Variants in LINC00632 observed in about 807,000 individuals in gnomAD.
LINC00632 encodes the protein long independently transcribed non-coding RNA 632, also known as ALDOA related specific transcript.
chrX:140,744,191 C>G (rs1402178853), intron 3 of LINC00632, among the ~76,000 whole-genome samples: 1 of 110,783 alleles, frequency 9.0e-6, no homozygotes, highest in Non-Finnish European at 1.9e-5. Flanking sequence ...AACTTCTGAT[C>G]TGTTACTGGT....
At chrX:140,773,206 A>AAGAAG (rs200954862) in exon 4 of LINC00632, among the ~76,000 whole-genome samples, 4,539 of 109,044 alleles carry the variant, frequency 0.042, 163 homozygotes, top group Admixed American at 0.16. Context: ...GAAGAGAAGA[A>AAGAAG]AGAAGAGAAG....
chrX:140,739,427 G>C (rs998275595), intron 3 of LINC00632, among the ~76,000 whole-genome samples: 5 of 110,297 alleles, frequency 4.5e-5, no homozygotes, highest in Admixed American at 2.0e-4. Context: ...CTCCATGTTG[G>C]TCAGGCTAGT....
At chrX:140,714,709 C>G (rs1444659668) in intron 2 of LINC00632, 1 of 109,754 alleles carries the variant, frequency 9.1e-6, no homozygotes, top group Non-Finnish European at 1.9e-5. Flanking sequence ...GTAATCTCAG[C>G]TGCTCCGGAG....
At chrX:140,725,721 G>A (rs1930950177) in intron 2 of LINC00632, among the ~76,000 whole-genome samples, 1 of 111,364 alleles carries the variant, frequency 9.0e-6, no homozygotes, top group Non-Finnish European at 1.9e-5. Context: ...TACAGACTTG[G>A]CCCATTGACC....
intron 2 of LINC00632, chrX:140,712,132 C>T (rs1269368172): frequency 9.1e-6 from 1 of 110,431 alleles, no homozygotes; most frequent in African/African-American, 3.3e-5. Context: ...CTCCTACCTT[C>T]CTGCAGCTTC....
chrX:140,712,255 A>C (rs1321338649), intron 2 of LINC00632: 1 of 109,231 alleles, frequency 9.2e-6, no homozygotes, highest in Non-Finnish European at 1.9e-5. Flanking sequence ...AAATATGTTA[A>C]GTTTGTCACA....
chrX:140,715,959 G>A (rs912932599), intron 2 of LINC00632: 3 of 112,256 alleles, frequency 2.7e-5, no homozygotes, highest in Non-Finnish European at 3.8e-5. Context: ...ATACTTAGAT[G>A]TGCCTTATGA....
At chrX:140,767,224 T>C (rs935373176) in intron 3 of LINC00632, among the ~76,000 whole-genome samples, 10 of 111,486 alleles carry the variant, frequency 9.0e-5, no homozygotes, top group South Asian at 3.8e-4. Flanking sequence ...ACAGATTATG[T>C]AACTTGTCTG....
chrX:140,724,008 T>TAC (rs749811504), intron 2 of LINC00632, among the ~76,000 whole-genome samples: 22 of 18,799 alleles, frequency 1.2e-3, no homozygotes, highest in African/African-American at 3.6e-3. Context: ...ACACACACCA[T>TAC]ACACACACAC....
At chrX:140,742,895 G>A (rs912462292) in intron 3 of LINC00632, among the ~76,000 whole-genome samples, 1 of 99,096 alleles carries the variant, frequency 1.0e-5, no homozygotes, top group Admixed American at 1.1e-4. Flanking sequence ...AAGGAAGGAA[G>A]GAAAGGAAAG....
At chrX:140,788,149 A>G (rs1037095422) in exon 5 of LINC00632, among the ~76,000 whole-genome samples, 11 of 109,343 alleles carry the variant, frequency 1.0e-4, no homozygotes, top group Non-Finnish European at 2.1e-4. Flanking sequence ...AAGCAAAAAA[A>G]AAATTGAAGA....
chrX:140,719,141 G>T lies in LINC00632; in HGVS notation n.104+7485G>T, dbSNP rs1028137583. Among the ~76,000 whole-genome samples, 4 of 111,998 alleles carry T rather than the reference G, an allele frequency of 3.6e-5. No homozygotes were observed. The South Asian group carries it at 1.5e-3, about 42-fold the overall frequency. Reference sequence around the variant, plus strand: ...TCTTCCCTATACAACACTAAGATGTGCTTCATAAAATACAAACTTGTTTGA... The same window carrying T: ...TCTTCCCTATACAACACTAAGATGTTCTTCATAAAATACAAACTTGTTTGA... On this transcript the variant is annotated intron_variant and non_coding_transcript_variant, in intron 2 of 4. Transcript: ENST00000648200.
exon 5 of LINC00632, among the ~76,000 whole-genome samples, chrX:140,781,396 A>C (rs754426797): frequency 6.3e-5 from 7 of 111,243 alleles, no homozygotes; most frequent in Non-Finnish European, 1.1e-4. Flanking sequence ...CTTCCAGCCT[A>C]TTTAATTAAA....
rs187691110 is a variant in LINC00632, at chrX:140,757,600, T to C, written n.192-14478T>C. The stretch of plus-strand genomic sequence containing the variant: ...TTTGTTTTTTGAGACAGAGTCTCCC[T>C]CTGTCACCCAGGCTGTAGTGCAGAG... On this transcript the variant is annotated intron_variant and non_coding_transcript_variant, in intron 3 of 4. Coordinates refer to ENST00000648200, the Ensembl canonical transcript of LINC00632. Among the ~76,000 whole-genome samples the C allele has an allele frequency of 3.0e-3, 339 of 111,608 alleles. 1 individual carries two copies. The highest frequency in any genetic ancestry group is 0.011 in the African/African-American group (330 of 30,731).
chrX:140,786,431 T>C (rs1268168133), exon 5 of LINC00632, among the ~76,000 whole-genome samples: 5 of 111,672 alleles, frequency 4.5e-5, no homozygotes, highest in Non-Finnish European at 7.5e-5. Flanking sequence ...GTAATATTTA[T>C]TGTGACTCTG....
chrX:140,717,211 G>A (rs1949370592), intron 2 of LINC00632, among the ~76,000 whole-genome samples: 2 of 110,456 alleles, frequency 1.8e-5, no homozygotes, highest in East Asian at 5.7e-4. Context: ...TTGATCTCCT[G>A]ACCCCGTGAT....
chrX:140,776,636 G>T (rs1931876486), exon 5 of LINC00632, among the ~76,000 whole-genome samples: 1 of 112,048 alleles, frequency 8.9e-6, no homozygotes, highest in Admixed American at 9.4e-5. Context: ...AAAAAGTCAG[G>T]AAAGGATAGA....
chrX:140,785,311 T>C (rs1034997482), exon 5 of LINC00632, among the ~76,000 whole-genome samples: 2 of 111,540 alleles, frequency 1.8e-5, no homozygotes, highest in African/African-American at 3.2e-5. Context: ...CAACAACCCA[T>C]TGAAGCTAGG....
intron 2 of LINC00632, among the ~76,000 whole-genome samples, chrX:140,730,624 A>G (rs1005715074): frequency 1.8e-5 from 2 of 110,765 alleles, no homozygotes; most frequent in Non-Finnish European, 3.8e-5. Flanking sequence ...TGTAATCCAC[A>G]ACGCACATGC....
Sources: allele counts gnomAD v4.1 joint callset (sites outside exome capture counted in the v4.1 genomes callset), GRCh38; gene constraint gnomAD v4.1.1; transcripts MANE v1.5; gene names NCBI Gene and HGNC (gene_info 2026-07-23, HGNC 2026-07-21).